Variants in PTPN1 observed in about 807,000 individuals in gnomAD.
PTPN1 encodes the protein protein tyrosine phosphatase non-receptor type 1, also known as tyrosine-protein phosphatase non-receptor type 1.
A neutral mutation model predicts 59.9 loss-of-function variants in PTPN1; 12 were observed. That is an observed-to-expected ratio of 0.20 (90% CI 0.13 to 0.32). The LOEUF is 0.32. Ranked by LOEUF, PTPN1 falls within the 10% of genes least tolerant of loss-of-function variation. The probability of loss-of-function intolerance (pLI) is 1.00; values close to 1 mark genes in which losing one functional copy is unlikely to be tolerated. For synonymous variants in PTPN1, 178 were observed against 203.6 expected (o/e 0.87, Z 1.07); for missense variants, 356 against 549.2 (o/e 0.65, Z 3.52).
chr20:50,546,031 G>C (rs2082674311), intron 1 of PTPN1, among the ~76,000 whole-genome samples: 1 of 152,010 alleles, frequency 6.6e-6, no homozygotes, highest in Non-Finnish European at 1.5e-5. Context: ...GAGCGAGACA[G>C]GTCCTGTCTC....
chr20:50,575,472 C>T (rs535616715), intron 5 of PTPN1, among the ~76,000 whole-genome samples: 3 of 152,332 alleles, frequency 2.0e-5, no homozygotes, highest in Non-Finnish European at 4.4e-5. Context: ...GGGTGTGTAG[C>T]ACGGGCTTTA....
At chr20:50,516,126 C>G (rs1010384438) in intron 1 of PTPN1, among the ~76,000 whole-genome samples, 2 of 152,136 alleles carry the variant, frequency 1.3e-5, no homozygotes, top group African/African-American at 2.4e-5. Flanking sequence ...TCTCACAAGC[C>G]TAGCGGGCCT....
In PTPN1 at chr20:50,554,380, A is replaced by ATTCTCTCTCTCTCTCTCTCTCTCTC. The variant is rs11481722; in HGVS notation, c.64-6982_64-6981insTCTCTCTCTCTCTCTCTCTCTCTCT. On this transcript the variant is annotated intron_variant, in intron 1 of 9. Coordinates refer to ENST00000371621, the MANE Select transcript of PTPN1 (RefSeq NM_002827.4). ...CCAGCCTAGGCAACAGCAAGACCAC[A>ATTCTCTCTCTCTCTCTCTCTCTCTC]TCTCTCTCTCTCTCTCTCTCTCTCT... is the stretch of plus-strand genomic sequence containing the variant. Among the ~76,000 whole-genome samples, 814 of 140,254 alleles carry ATTCTCTCTCTCTCTCTCTCTCTCTC rather than the reference A, an allele frequency of 5.8e-3. 25 individuals are homozygous for ATTCTCTCTCTCTCTCTCTCTCTCTC. The highest frequency in any genetic ancestry group is 0.018 in the East Asian group (84 of 4,626). 92.0% of individuals were successfully genotyped at this position (140,254 alleles called of 152,430 possible).
intron 1 of PTPN1, among the ~76,000 whole-genome samples, chr20:50,546,801 GTGAT>G (rs1384651146): frequency 2.0e-5 from 3 of 152,290 alleles, no homozygotes; most frequent in Non-Finnish European, 2.9e-5. Context: ...GCAGCAGCTG[GTGAT>G]TGATAGTCTG....
chr20:50,559,699 T>C (rs1169237664), intron 1 of PTPN1, among the ~76,000 whole-genome samples: 2 of 152,186 alleles, frequency 1.3e-5, no homozygotes, highest in African/African-American at 4.8e-5. Context: ...GATTCTTCAG[T>C]TGAGCTTGTC....
rs2082501740 is a variant in PTPN1, at chr20:50,510,535, T to C, written c.8T>C (p.Met3Thr). 6.5e-7 allele frequency: 1 copy of C among 1,550,250 alleles called. No homozygotes were observed. Among genetic ancestry groups the C allele is most frequent in the Non-Finnish European group, 8.7e-7 (1 of 1,146,352 alleles). The change falls in exon 1 of 10, where the codon ATG (methionine) becomes ACG (threonine). Residue 3 changes from methionine to threonine, a missense_variant. By Grantham distance (81) the Met-to-Thr change is moderately conservative. Coordinates refer to ENST00000371621, the MANE Select transcript of PTPN1 (RefSeq NM_002827.4). ME[M>T]EKEFEQIDKS... ...CAGCCGCCCTGGCCCGTCATGGAGA[T>C]GGAAAAGGAGTTCGAGCAGATCGAC... is the stretch of plus-strand genomic sequence containing the variant.
intron 1 of PTPN1, among the ~76,000 whole-genome samples, chr20:50,550,403 CAG>C (rs2082697290): frequency 6.6e-6 from 1 of 152,214 alleles, no homozygotes; most frequent in Admixed American, 6.5e-5. Context: ...ACTTTTAAAA[CAG>C]AGATCACTTT....
At position 50,521,780 on chromosome 20, in the gene PTPN1, A is replaced by G. The variant is rs112844051; in HGVS notation, c.63+11190A>G. Among the ~76,000 whole-genome samples, 599 of 152,340 alleles carry G rather than the reference A, an allele frequency of 3.9e-3. 3 individuals are homozygous for G. Among genetic ancestry groups the G allele is most frequent in the African/African-American group, 0.013 (560 of 41,580 alleles). On this transcript the variant is annotated intron_variant, in intron 1 of 9. Coordinates refer to ENST00000371621, the MANE Select transcript of PTPN1 (RefSeq NM_002827.4). ...CAGGAGAAATGACATGCAACTCTGG[A>G]TTCTGGCCTCTCTTGAAAAATCTGA...
At chr20:50,580,033 C>A (rs1027421636) in intron 8 of PTPN1, 107 bp downstream of exon 8, 14 of 1,041,788 alleles carry the variant, frequency 1.3e-5, no homozygotes, top group Non-Finnish European at 1.7e-5. Flanking sequence ...TGTTGGCAAG[C>A]AGCGCTTCCG....
chr20:50,542,777 T>C (rs2082658305), intron 1 of PTPN1, among the ~76,000 whole-genome samples: 1 of 152,206 alleles, frequency 6.6e-6, no homozygotes, highest in Non-Finnish European at 1.5e-5. Context: ...CATATGTTAT[T>C]AGCAAAGGTT....
chr20:50,560,425 G>A lies in PTPN1; in HGVS notation c.64-938G>A, dbSNP rs8117139. 2.3e-3 allele frequency among the ~76,000 whole-genome samples: 347 copies of A among 152,206 alleles called. 3 individuals are homozygous for A. Among genetic ancestry groups the A allele is most frequent in the African/African-American group, 7.5e-3 (312 of 41,536 alleles). On this transcript the variant is annotated intron_variant, in intron 1 of 9. Coordinates refer to ENST00000371621, the MANE Select transcript of PTPN1 (RefSeq NM_002827.4). ...GCAGGGAATCCCACTCCTCCTTCCTGACTGGGAGCACAGCCAGAGCCTTGG... is the reference window on the plus strand; with the variant it reads ...GCAGGGAATCCCACTCCTCCTTCCTAACTGGGAGCACAGCCAGAGCCTTGG...
Position 50,562,316 on chromosome 20 carries a change from A to G in PTPN1, c.154+863A>G, listed in dbSNP as rs112750700. ...CCCATGGCTGGGAGTGGTGGCTGTC[A>G]TTGTTCTCTGCCAGAAGGGTTAGCA... On this transcript the variant is annotated intron_variant, in intron 2 of 9. Transcript: ENST00000371621. 4.1e-3 allele frequency among the ~76,000 whole-genome samples: 617 copies of G among 152,218 alleles called. 2 individuals carry two copies. Among genetic ancestry groups the G allele is most frequent in the African/African-American group, 0.014 (578 of 41,544 alleles).
intron 4 of PTPN1, chr20:50,573,308 A>G (rs981224339): frequency 4.6e-5 from 7 of 152,246 alleles, no homozygotes; most frequent in South Asian, 2.1e-4. Context: ...GTCACTGCCT[A>G]GGAAATCCTA....
At chr20:50,526,439 C>T (rs2122730714) in intron 1 of PTPN1, among the ~76,000 whole-genome samples, 1 of 152,210 alleles carries the variant, frequency 6.6e-6, no homozygotes, top group East Asian at 1.9e-4. Flanking sequence ...GTTTACCTGG[C>T]TCACAACCTG....
At chr20:50,550,878 C>T (rs2082699371) in intron 1 of PTPN1, among the ~76,000 whole-genome samples, 1 of 152,218 alleles carries the variant, frequency 6.6e-6, no homozygotes. Context: ...GACATTCACC[C>T]AGTTGTGGAC....
chr20:50,575,404 A>C (rs2082831581), intron 5 of PTPN1, among the ~76,000 whole-genome samples: 2 of 152,020 alleles, frequency 1.3e-5, no homozygotes. Flanking sequence ...CTTCTGTCAA[A>C]CTCAGGTTTT....
At chr20:50,514,406 A>C (rs1171392235) in intron 1 of PTPN1, among the ~76,000 whole-genome samples, 2 of 152,252 alleles carry the variant, frequency 1.3e-5, no homozygotes, top group South Asian at 2.1e-4. Flanking sequence ...TGACTTAGCT[A>C]CTGAAATAAC....
At chr20:50,556,457 T>C (rs958131743) in intron 1 of PTPN1, among the ~76,000 whole-genome samples, 1 of 152,138 alleles carries the variant, frequency 6.6e-6, no homozygotes, top group Admixed American at 6.5e-5. Context: ...CCCAAAGTGC[T>C]GGGATTACAG....
intron 5 of PTPN1, chr20:50,578,180 C>T: frequency 2.0e-6 from 1 of 510,172 alleles, no homozygotes; most frequent in Non-Finnish European, 3.6e-6. Context: ...TGAGGGGACT[C>T]TTCAATCCGA....
Sources: gnomAD v4.1 joint callset for allele counts (sites outside exome capture counted in the v4.1 genomes callset) on GRCh38, gnomAD v4.1.1 for gene constraint, MANE v1.5 for transcripts, NCBI Gene and HGNC (gene_info 2026-07-23, HGNC 2026-07-21) for gene names.